ULK4: variants seen among roughly 807,000 people sequenced by gnomAD.
ULK4 encodes inactive serine/threonine-protein kinase ULK4.
In ULK4, 133 loss-of-function variants were observed where a neutral mutation model predicts 160.6. The ratio of observed to expected loss-of-function variants is 0.83; its 90% CI spans 0.72 to 0.96. The LOEUF (loss-of-function observed/expected upper bound fraction) is 0.96, where lower values mean the gene tolerates loss of function less well. Among genes scored for constraint, ULK4 ranks in the 40% least tolerant of loss-of-function variants. ULK4 has a pLI of 0.00. For synonymous variants in ULK4, 534 were observed against 539.8 expected (o/e 0.99, Z 0.15); for missense variants, 1,580 against 1,499.5 (o/e 1.05, Z -0.89).
At chr3:41,735,861 T>G (rs1489248283) in intron 22 of ULK4, among the ~76,000 whole-genome samples, 3 of 93,496 alleles carry the variant, frequency 3.2e-5, no homozygotes, top group African/African-American at 8.6e-5. Flanking sequence ...CCCACAACAG[T>G]CCCCAGAGTG....
intron 5 of ULK4, among the ~76,000 whole-genome samples, chr3:41,925,908 G>A (rs979855325): frequency 2.6e-5 from 4 of 152,146 alleles, no homozygotes; most frequent in South Asian, 2.1e-4. Context: ...GAGAAGGGGT[G>A]GCTGTGGGAG....
At chr3:41,815,313 T>C (rs1286717495) in intron 19 of ULK4, among the ~76,000 whole-genome samples, 1 of 152,262 alleles carries the variant, frequency 6.6e-6, no homozygotes, top group Non-Finnish European at 1.5e-5. Flanking sequence ...GTGCTATTTG[T>C]TCCATCTGTT....
chr3:41,465,441 G>GT (rs2083806847), intron 32 of ULK4, among the ~76,000 whole-genome samples: 1 of 152,090 alleles, frequency 6.6e-6, no homozygotes, highest in Admixed American at 6.5e-5. Context: ...AAAAATCAAT[G>GT]TATTTTTTAT....
At chr3:41,343,751 T>C (rs1413828009) in intron 35 of ULK4, among the ~76,000 whole-genome samples, 4 of 152,156 alleles carry the variant, frequency 2.6e-5, no homozygotes, top group East Asian at 1.9e-4. Flanking sequence ...CCATTCACAA[T>C]TGCTACAAAA....
At chr3:41,371,372 C>T (rs1007333509) in intron 35 of ULK4, among the ~76,000 whole-genome samples, 3 of 152,140 alleles carry the variant, frequency 2.0e-5, no homozygotes, top group East Asian at 1.9e-4. Flanking sequence ...TGGCAGGAGT[C>T]GACAGACACC....
Position 41,681,531 on chromosome 3 carries a change from G to A in ULK4, c.2955C>T (p.Leu985=). Residue 985 remains leucine, a synonymous_variant, in exon 29 of 37, where the codon CTC becomes CTT. Transcript: ENST00000301831. ...ACTGGGGAAGTAAGACATCTCGAAT[G>A]AGAGCCAGAAGATTGCTGTCAGAAT... ...SVDSDSNLLA[L]IRDVLLPQYE... 2.5e-6 allele frequency: 4 copies of A among 1,614,028 alleles called. No homozygotes were observed. The highest frequency in any genetic ancestry group is 2.5e-6 in the Non-Finnish European group (3 of 1,179,968).
intron 18 of ULK4, among the ~76,000 whole-genome samples, chr3:41,822,006 T>A (rs1266837917): frequency 6.6e-6 from 1 of 152,184 alleles, no homozygotes; most frequent in Non-Finnish European, 1.5e-5. Flanking sequence ...CCTGCGTTGC[T>A]TACTCTCATC....
intron 35 of ULK4, among the ~76,000 whole-genome samples, chr3:41,339,140 T>C (rs2080627624): frequency 6.6e-6 from 1 of 151,920 alleles, no homozygotes; most frequent in Non-Finnish European, 1.5e-5. Flanking sequence ...AGATGGGGCA[T>C]TCAGCTGTGG....
intron 21 of ULK4, among the ~76,000 whole-genome samples, chr3:41,787,824 A>T (rs1419580338): frequency 6.6e-6 from 1 of 152,212 alleles, no homozygotes; most frequent in African/African-American, 2.4e-5. Context: ...TCCTTAAGAC[A>T]TGTGGAATAG....
At chr3:41,684,673 GAGAGT>G (rs1484821320) in intron 27 of ULK4, among the ~76,000 whole-genome samples, 1 of 152,194 alleles carries the variant, frequency 6.6e-6, no homozygotes, top group African/African-American at 2.4e-5. Flanking sequence ...ATCTATTCCT[GAGAGT>G]AAATTCTTGG....
chr3:41,901,402 A>T (rs1462644738), intron 12 of ULK4, among the ~76,000 whole-genome samples: 1 of 149,294 alleles, frequency 6.7e-6, no homozygotes, highest in African/African-American at 2.4e-5. Context: ...GGATGGTCTC[A>T]ATCTCCTGAC....
chr3:41,345,133 GAT>G (rs750435956), intron 35 of ULK4, among the ~76,000 whole-genome samples: 2 of 152,178 alleles, frequency 1.3e-5, no homozygotes, highest in Non-Finnish European at 2.9e-5. Flanking sequence ...AACAGATGCT[GAT>G]GAGATTGCAG....
intron 32 of ULK4, among the ~76,000 whole-genome samples, chr3:41,549,044 A>G (rs1262747272): frequency 1.3e-5 from 2 of 152,184 alleles, no homozygotes; most frequent in Non-Finnish European, 2.9e-5. Flanking sequence ...ACAGGAAAAA[A>G]GTCTTCCCCT....
intron 34 of ULK4, among the ~76,000 whole-genome samples, chr3:41,428,483 TAAAGCTGGAGGC>T (rs778174234): frequency 4.1e-4 from 62 of 151,458 alleles, no homozygotes; most frequent in Non-Finnish European, 8.1e-4. Context: ...GCAAAAGGAG[TAAAGCTGGAGGC>T]ATCACGCTAC....
intron 32 of ULK4, among the ~76,000 whole-genome samples, chr3:41,544,200 ATTG>A (rs34903696): frequency 0.51 from 77,483 of 151,722 alleles, 19,881 homozygotes; most frequent in Middle Eastern, 0.56. Flanking sequence ...TTGCTATTTT[ATTG>A]TTGTTTGTTC....
At chr3:41,826,758 A>G (rs1186418522) in intron 18 of ULK4, among the ~76,000 whole-genome samples, 1 of 149,524 alleles carries the variant, frequency 6.7e-6, no homozygotes, top group South Asian at 2.1e-4. Context: ...AACGAGACAG[A>G]AAGTTAACAA....
intron 35 of ULK4, among the ~76,000 whole-genome samples, chr3:41,308,312 C>G (rs1258306216): frequency 6.6e-6 from 1 of 152,042 alleles, no homozygotes; most frequent in Non-Finnish European, 1.5e-5. Flanking sequence ...AGGGACACAT[C>G]CTCAACACAG....
intron 27 of ULK4, among the ~76,000 whole-genome samples, chr3:41,686,762 C>G (rs1201839325): frequency 6.6e-6 from 1 of 152,050 alleles, no homozygotes; most frequent in African/African-American, 2.4e-5. Flanking sequence ...GGTGGCAGAG[C>G]TGGGCAAGAA....
chr3:41,543,124 C>T (rs1276692541), intron 32 of ULK4, among the ~76,000 whole-genome samples: 1 of 152,106 alleles, frequency 6.6e-6, no homozygotes, highest in Non-Finnish European at 1.5e-5. Context: ...ATCAAGTTTT[C>T]AGTGCTGCCA....
Sources: allele counts gnomAD v4.1 joint callset (sites outside exome capture counted in the v4.1 genomes callset), GRCh38; gene constraint gnomAD v4.1.1; transcripts MANE v1.5; gene names NCBI Gene and HGNC (gene_info 2026-07-23, HGNC 2026-07-21).